Variants in FMN1 observed in about 807,000 individuals in gnomAD.
FMN1 encodes formin 1.
FMN1 carries 110 observed loss-of-function variants against 132.4 expected under a neutral mutation model. The observed-to-expected ratio is 0.83, with a 90% CI of 0.71 to 0.97. The LOEUF (loss-of-function observed/expected upper bound fraction) is 0.97, where lower values mean the gene tolerates loss of function less well. FMN1 is among the 50% of genes least tolerant of loss of function. The pLI, the probability that FMN1 is intolerant of heterozygous loss-of-function variation, is 0.00. For synonymous variants in FMN1, 722 were observed against 651.7 expected (o/e 1.11, Z -1.64); for missense variants, 1,792 against 1,705.3 (o/e 1.05, Z -0.90).
intron 4 of FMN1, among the ~76,000 whole-genome samples, chr15:33,141,860 C>A (rs1365156142): frequency 6.6e-6 from 1 of 152,060 alleles, no homozygotes; most frequent in Non-Finnish European, 1.5e-5. Flanking sequence ...TGGGGAGGCA[C>A]TCAGCTGTAA....
intron 2 of FMN1, among the ~76,000 whole-genome samples, chr15:33,182,622 T>C (rs941064436): frequency 2.6e-5 from 4 of 152,146 alleles, no homozygotes; most frequent in African/African-American, 9.7e-5. Context: ...AAGGAAGTGT[T>C]AGGAGTTACA....
Position 32,767,819 on chromosome 15 carries a change from CAGA to C in FMN1, c.*6488_*6490del, listed in dbSNP as rs2056098006. On this transcript the variant is annotated 3_prime_UTR_variant, in exon 21 of 21. Transcript: ENST00000616417. Reference sequence around the variant, plus strand: ...ACCTATTTGTGTCATTGCGAGCAAACAGAAGAATTGATACTAGACTTTCCCTCT... The same window carrying C: ...ACCTATTTGTGTCATTGCGAGCAAACAGAATTGATACTAGACTTTCCCTCT... The C allele has an allele frequency of 6.6e-6, 1 of 152,146 alleles. No individual in the cohort carries two copies. Among genetic ancestry groups the C allele is most frequent in the Non-Finnish European group, 1.5e-5 (1 of 68,028 alleles). 9.4% of individuals were successfully genotyped at this position (152,146 alleles called of 1,614,324 possible). A position where few individuals can be genotyped will look rare whatever the true frequency, so the allele number is the denominator to read the frequency against.
intron 6 of FMN1, among the ~76,000 whole-genome samples, chr15:33,046,149 A>G (rs1252857716): frequency 6.6e-6 from 1 of 152,184 alleles, no homozygotes; most frequent in African/African-American, 2.4e-5. Context: ...CAATCTCTAG[A>G]GAAATCATTC....
At chr15:32,908,960 T>C (rs1278176597) in intron 11 of FMN1, among the ~76,000 whole-genome samples, 1 of 152,230 alleles carries the variant, frequency 6.6e-6, no homozygotes, top group Non-Finnish European at 1.5e-5. Flanking sequence ...GTTTCCTTAC[T>C]CTTAGAACAG....
chr15:32,924,144 TA>T (rs1413365339), intron 10 of FMN1, among the ~76,000 whole-genome samples: 12 of 152,210 alleles, frequency 7.9e-5, no homozygotes, highest in African/African-American at 2.9e-4. Flanking sequence ...CTGGAAGATC[TA>T]ACTTGAGATT....
intron 6 of FMN1, among the ~76,000 whole-genome samples, chr15:33,061,899 GA>G (rs1410972320): frequency 6.6e-6 from 1 of 151,984 alleles, no homozygotes; most frequent in African/African-American, 2.4e-5. Flanking sequence ...CAGAAAGAGA[GA>G]AAAAAAGTAG....
chr15:32,810,128 G>A (rs1595976262), intron 17 of FMN1, among the ~76,000 whole-genome samples: 1 of 152,044 alleles, frequency 6.6e-6, no homozygotes, highest in African/African-American at 2.4e-5. Flanking sequence ...TGTTGGCCAG[G>A]CTGGTCTCAA....
At chr15:33,027,628 G>C (rs2035742800) in intron 6 of FMN1, among the ~76,000 whole-genome samples, 2 of 152,106 alleles carry the variant, frequency 1.3e-5, no homozygotes, top group Non-Finnish European at 2.9e-5. Context: ...AGTAGTTTTA[G>C]CTTTGTTTTT....
At chr15:33,187,375 C>A (rs558067202) in intron 2 of FMN1, among the ~76,000 whole-genome samples, 8 of 152,178 alleles carry the variant, frequency 5.3e-5, no homozygotes, top group African/African-American at 1.9e-4. Context: ...TTTATCAACA[C>A]AAAGAGTCCT....
At chr15:33,015,559 T>TC (rs2034993315) in intron 6 of FMN1, among the ~76,000 whole-genome samples, 1 of 152,206 alleles carries the variant, frequency 6.6e-6, no homozygotes, top group South Asian at 2.1e-4. Context: ...TATGTACAGT[T>TC]AGGAAGTAGA....
At chr15:32,924,031 A>C (rs1036663492) in intron 10 of FMN1, among the ~76,000 whole-genome samples, 11 of 152,206 alleles carry the variant, frequency 7.2e-5, no homozygotes, top group African/African-American at 2.7e-4. Context: ...CTTTACCAAA[A>C]GACTATAAAC....
At chr15:33,069,667 G>A (rs1464363791) in intron 5 of FMN1, among the ~76,000 whole-genome samples, 2 of 151,916 alleles carry the variant, frequency 1.3e-5, no homozygotes, top group African/African-American at 4.8e-5. Context: ...GTATTCAAAA[G>A]GAACGCTCAC....
At chr15:33,067,091 A>C in intron 5 of FMN1, 1 of 1,613,876 alleles carries the variant, frequency 6.2e-7, no homozygotes, top group Non-Finnish European at 8.5e-7. Context: ...CTCTCCAGAG[A>C]CTTCTTTTTT....
intron 6 of FMN1, among the ~76,000 whole-genome samples, chr15:33,022,749 C>G (rs1003621057): frequency 7.1e-6 from 1 of 140,164 alleles, no homozygotes; most frequent in Non-Finnish European, 1.6e-5. Flanking sequence ...AGTCAAGTTA[C>G]TGCAGAGTAA....
chr15:32,776,508 A>G (rs1355329848), intron 20 of FMN1, among the ~76,000 whole-genome samples: 1 of 152,184 alleles, frequency 6.6e-6, no homozygotes, highest in East Asian at 1.9e-4. Flanking sequence ...ACTGAAGAGA[A>G]TGAATATATT....
chr15:32,979,201 A>G (rs1057281089), intron 7 of FMN1, among the ~76,000 whole-genome samples: 37 of 152,252 alleles, frequency 2.4e-4, no homozygotes, highest in Admixed American at 8.5e-4. Context: ...TGGCCTCCCT[A>G]CCAGCCAATA....
chr15:33,036,437 A>G (rs1246508240), intron 6 of FMN1, among the ~76,000 whole-genome samples: 1 of 152,196 alleles, frequency 6.6e-6, no homozygotes, highest in Non-Finnish European at 1.5e-5. Context: ...ATATTTACTT[A>G]TTTCTGTTCA....
intron 5 of FMN1, chr15:33,067,135 A>G (rs746245961): frequency 2.9e-5 from 46 of 1,613,774 alleles, no homozygotes; most frequent in Non-Finnish European, 3.7e-5. Flanking sequence ...CAACACTCGA[A>G]TTCTGGTTTG....
intron 16 of FMN1, among the ~76,000 whole-genome samples, chr15:32,885,161 T>C (rs2059866033): frequency 6.6e-6 from 1 of 152,256 alleles, no homozygotes; most frequent in Admixed American, 6.5e-5. Flanking sequence ...AATGTGCCTA[T>C]TTGTATGTCT....
Sources: allele counts gnomAD v4.1 joint callset (sites outside exome capture counted in the v4.1 genomes callset), GRCh38; gene constraint gnomAD v4.1.1; transcripts MANE v1.5; gene names NCBI Gene and HGNC (gene_info 2026-07-23, HGNC 2026-07-21).